The following SORCS1 variants were observed in gnomAD, a reference collection of about 807,000 sequenced individuals.
SORCS1 encodes VPS10 domain-containing receptor SorCS1.
A neutral mutation model predicts 146.1 loss-of-function variants in SORCS1; 60 were observed. The observed-to-expected ratio is 0.41, with a 90% confidence interval of 0.33 to 0.51. The LOEUF is 0.51. Ranked by LOEUF, SORCS1 falls within the 20% of genes least tolerant of loss-of-function variation. The pLI is 0.21. For missense variants in SORCS1, 1,352 were observed against 1,487.6 expected (o/e 0.91, Z 1.50); for synonymous variants, 637 against 584.0 (o/e 1.09, Z -1.31).
chr10:107,014,608 A>C (rs540088926), intron 1 of SORCS1, among the ~76,000 whole-genome samples: 1 of 152,300 alleles, frequency 6.6e-6, no homozygotes, highest in South Asian at 2.1e-4. Context: ...GACCTACAGC[A>C]TCTGCATAAC....
intron 1 of SORCS1, among the ~76,000 whole-genome samples, chr10:107,032,217 T>C (rs1958687497): frequency 6.6e-6 from 1 of 152,124 alleles, no homozygotes; most frequent in African/African-American, 2.4e-5. Context: ...GTAAGAACTC[T>C]TGTTGCAACA....
rs939389128 is a variant in SORCS1 at position 106,829,561 on chromosome 10, A to G, written c.726+13T>C. ...ATCATGAATGAGTAGCATGCTGAAT[A>G]TACATTTCTTACCTTACGCTTGTTG... On this transcript the variant is annotated intron_variant, in intron 3 of 25. Transcript: ENST00000263054. 1 of 1,568,594 alleles carries G rather than the reference A, an allele frequency of 6.4e-7. No individual in the cohort carries two copies. Among genetic ancestry groups the G allele is most frequent in the Non-Finnish European group, 8.7e-7 (1 of 1,143,916 alleles).
chr10:106,753,939 A>T (rs1858449072), intron 5 of SORCS1, among the ~76,000 whole-genome samples: 2 of 152,218 alleles, frequency 1.3e-5, no homozygotes, highest in African/African-American at 4.8e-5. Flanking sequence ...GGGAAACATT[A>T]GGCAAAATTA....
At chr10:106,876,932 G>T (rs1950608271) in intron 2 of SORCS1, among the ~76,000 whole-genome samples, 2 of 152,088 alleles carry the variant, frequency 1.3e-5, no homozygotes, top group South Asian at 2.1e-4. Context: ...TCATTAAGAG[G>T]TTTTTTCAGA....
Position 106,912,300 on chromosome 10 carries a change from T to G in SORCS1, c.626+44213A>C, listed in dbSNP as rs1000737838. Among the ~76,000 whole-genome samples, 3 of 148,234 alleles carry G rather than the reference T, an allele frequency of 2.0e-5. No homozygotes were observed. In the East Asian group the frequency reaches 6.0e-4, roughly 30 times the overall value. ...TCCCATAAGTCAGAATAACTGAACA[T>G]GAAACAAAACAAAACGAAGCAAAAC... On this transcript the variant is annotated intron_variant, in intron 2 of 25. Coordinates refer to ENST00000263054, the MANE Select transcript of SORCS1 (RefSeq NM_052918.5).
chr10:106,928,575 T>A (rs535117112), intron 2 of SORCS1, among the ~76,000 whole-genome samples: 90 of 152,300 alleles, frequency 5.9e-4, no homozygotes, highest in Admixed American at 1.7e-3. Flanking sequence ...GCTCCTTAAG[T>A]GCCGCCAAAG....
intron 1 of SORCS1, among the ~76,000 whole-genome samples, chr10:107,086,386 G>T (rs189538350): frequency 2.0e-5 from 3 of 152,244 alleles, no homozygotes; most frequent in East Asian, 3.9e-4. Flanking sequence ...ATAACTAAGA[G>T]AAGTTACTAC....
intron 17 of SORCS1, among the ~76,000 whole-genome samples, chr10:106,663,532 A>G (rs1444303138): frequency 1.3e-5 from 2 of 152,242 alleles, no homozygotes; most frequent in Non-Finnish European, 2.9e-5. Flanking sequence ...GTATAGTGTC[A>G]GCATTATTAG....
At chr10:106,905,233 T>C (rs1011159972) in intron 2 of SORCS1, among the ~76,000 whole-genome samples, 17 of 152,282 alleles carry the variant, frequency 1.1e-4, no homozygotes, top group African/African-American at 3.6e-4. Flanking sequence ...ACATAATTAG[T>C]ATACTATATT....
At chr10:106,870,709 A>G (rs1484890363) in intron 2 of SORCS1, among the ~76,000 whole-genome samples, 1 of 152,228 alleles carries the variant, frequency 6.6e-6, no homozygotes, top group Non-Finnish European at 1.5e-5. Context: ...AAAGACTTAA[A>G]TGAACAACTC....
intron 3 of SORCS1, among the ~76,000 whole-genome samples, chr10:106,789,884 T>TG (rs1946229989): frequency 6.6e-6 from 1 of 152,194 alleles, no homozygotes; most frequent in Non-Finnish European, 1.5e-5. Context: ...TCTGCGTGGC[T>TG]GGGGAGGCCA....
intron 2 of SORCS1, among the ~76,000 whole-genome samples, chr10:106,835,064 C>T (rs951234089): frequency 6.6e-6 from 1 of 152,104 alleles, no homozygotes; most frequent in African/African-American, 2.4e-5. Flanking sequence ...TTACTGTATA[C>T]ACAGAGCTGA....
intron 1 of SORCS1, among the ~76,000 whole-genome samples, chr10:106,967,662 A>G (rs938597529): frequency 2.0e-5 from 3 of 152,306 alleles, no homozygotes; most frequent in African/African-American, 4.8e-5. Flanking sequence ...CACGTAGCAT[A>G]TCTTGCGCAA....
chr10:106,795,980 T>C (rs1032080876), intron 3 of SORCS1, among the ~76,000 whole-genome samples: 2 of 152,218 alleles, frequency 1.3e-5, no homozygotes, highest in Non-Finnish European at 2.9e-5. Flanking sequence ...ATGTGGTTTT[T>C]CTGGGGTGAG....
At chr10:106,884,211 T>C (rs1010083397) in intron 2 of SORCS1, among the ~76,000 whole-genome samples, 2 of 152,184 alleles carry the variant, frequency 1.3e-5, no homozygotes, top group African/African-American at 4.8e-5. Context: ...TCCACTGATA[T>C]GAAAATTTAA....
chr10:107,051,704 G>C (rs1960140274), intron 1 of SORCS1, among the ~76,000 whole-genome samples: 1 of 152,030 alleles, frequency 6.6e-6, no homozygotes, highest in South Asian at 2.1e-4. Flanking sequence ...AATTTGTACT[G>C]GCTTGCATGT....
chr10:106,829,112 C>T (rs1589493358), intron 3 of SORCS1, among the ~76,000 whole-genome samples: 1 of 152,346 alleles, frequency 6.6e-6, no homozygotes, highest in East Asian at 1.9e-4. Context: ...CATTTGTGTG[C>T]AGACTGAACA....
intron 1 of SORCS1, among the ~76,000 whole-genome samples, chr10:107,147,950 C>A (rs535978748): frequency 3.9e-5 from 6 of 151,960 alleles, no homozygotes; most frequent in Admixed American, 2.0e-4. Flanking sequence ...TTGGAGAAAT[C>A]GTCAGACAGG....
At chr10:106,952,558 T>TATATC (rs1186628030) in intron 2 of SORCS1, among the ~76,000 whole-genome samples, 1 of 147,692 alleles carries the variant, frequency 6.8e-6, no homozygotes, top group Non-Finnish European at 1.5e-5. Context: ...TATATTATAT[T>TATATC]ATATTATATT....
Sources: allele counts gnomAD v4.1 joint callset (sites outside exome capture counted in the v4.1 genomes callset), GRCh38; gene constraint gnomAD v4.1.1; transcripts MANE v1.5; gene names NCBI Gene and HGNC (gene_info 2026-07-23, HGNC 2026-07-21).